The following DACH2 variants were observed in gnomAD, a reference collection of about 807,000 sequenced individuals.
DACH2 encodes dachshund homolog 2.
Under a neutral mutation model 35.8 loss-of-function variants are expected in DACH2, and 17 were observed. That is an observed-to-expected ratio of 0.48 (90% CI 0.33 to 0.71). The LOEUF is 0.71. DACH2 is among the 30% of genes least tolerant of loss of function. DACH2 has a pLI of 0.02. For synonymous variants in DACH2, 195 were observed against 177.3 expected, an observed-to-expected ratio of 1.10 and a Z score of -0.79; for missense variants, 469 against 472.7, an observed-to-expected ratio of 0.99 and a Z score of 0.07.
chrX:86,359,769 A>T (rs1443357678), intron 1 of DACH2, among the ~76,000 whole-genome samples: 1 of 111,412 alleles, frequency 9.0e-6, no homozygotes. Context: ...CAAAAACAAA[A>T]AAAGAAAACT....
Position 86,391,977 on chromosome X carries a change from A to AT in DACH2, c.527+15124dup, listed in dbSNP as rs200256603. ...TTTTTCATTTTTTAAATAGTTTGCA[A>AT]TTTTTTTTTATTATACATTAAGTTC... is the stretch of plus-strand genomic sequence containing the variant. On this transcript the variant is annotated intron_variant, in intron 2 of 11. Transcript: ENST00000373125. 3.1e-3 allele frequency among the ~76,000 whole-genome samples: 344 copies of AT among 110,222 alleles called. 2 individuals are homozygous for AT. The highest frequency in any genetic ancestry group is 0.018 in the East Asian group (62 of 3,522).
intron 1 of DACH2, among the ~76,000 whole-genome samples, chrX:86,298,017 T>C (rs1159247270): frequency 8.9e-6 from 1 of 112,149 alleles, no homozygotes; most frequent in Non-Finnish European, 1.9e-5. Context: ...CCTCCTTGCC[T>C]TCTGCCTTCT....
chrX:86,697,216 G>A (rs2041077452), intron 5 of DACH2, among the ~76,000 whole-genome samples: 1 of 111,635 alleles, frequency 9.0e-6, no homozygotes, highest in South Asian at 3.7e-4. Context: ...TATCGCCACA[G>A]TAGTGCTCCT....
intron 6 of DACH2, among the ~76,000 whole-genome samples, chrX:86,735,723 A>G (rs1159287798): frequency 9.0e-6 from 1 of 111,676 alleles, no homozygotes; most frequent in Non-Finnish European, 1.9e-5. Context: ...GGTGTTTCAT[A>G]GGAGCTGCAG....
chrX:86,181,474 C>T (rs962134437), intron 1 of DACH2, among the ~76,000 whole-genome samples: 4 of 110,852 alleles, frequency 3.6e-5, no homozygotes, highest in South Asian at 3.8e-4. Context: ...CTGAGAATGA[C>T]GGTTTCCTTC....
rs751867157 is a variant in DACH2, at chrX:86,463,110, C to T, written c.528-51169C>T. Among the ~76,000 whole-genome samples, 118 of 110,956 alleles carry T rather than the reference C, an allele frequency of 1.1e-3. 1 individual carries two copies. The highest frequency in any genetic ancestry group is 1.8e-3 in the Non-Finnish European group (96 of 52,839). ...TACGATAGAAACTAACCATAATATT[C>T]AATTCCATGAACATTCCTGTTAATT... is the stretch of plus-strand genomic sequence containing the variant. On this transcript the variant is annotated intron_variant, in intron 2 of 11. Coordinates refer to ENST00000373125, the MANE Select transcript of DACH2 (RefSeq NM_053281.3).
chrX:86,505,932 C>G (rs2148262126), intron 2 of DACH2, among the ~76,000 whole-genome samples: 1 of 111,897 alleles, frequency 8.9e-6, no homozygotes, highest in Admixed American at 9.5e-5. Context: ...CATCTCTAAT[C>G]CTAATGTGGT....
At chrX:86,530,980 T>C (rs1461319409) in intron 3 of DACH2, among the ~76,000 whole-genome samples, 1 of 111,990 alleles carries the variant, frequency 8.9e-6, no homozygotes, top group African/African-American at 3.2e-5. Context: ...ACTGAAAGCA[T>C]TGTGCCCCTG....
At chrX:86,340,334 A>G (rs1238028772) in intron 1 of DACH2, among the ~76,000 whole-genome samples, 2 of 111,522 alleles carry the variant, frequency 1.8e-5, no homozygotes, top group Non-Finnish European at 3.8e-5. Flanking sequence ...CATTATTATT[A>G]TATCTGTTAT....
intron 3 of DACH2, among the ~76,000 whole-genome samples, chrX:86,582,325 A>G (rs2039511915): frequency 9.0e-6 from 1 of 111,274 alleles, no homozygotes; most frequent in African/African-American, 3.3e-5. Context: ...AACCAGCAAT[A>G]TAGGTAGCAG....
At chrX:86,417,401 A>G (rs775552776) in intron 2 of DACH2, among the ~76,000 whole-genome samples, 34 of 112,258 alleles carry the variant, frequency 3.0e-4, no homozygotes, top group African/African-American at 1.1e-3. Context: ...TACAAAAGAA[A>G]GAGATTTATT....
intron 1 of DACH2, among the ~76,000 whole-genome samples, chrX:86,299,072 A>T (rs1223864809): frequency 5.4e-5 from 6 of 111,985 alleles, no homozygotes; most frequent in Non-Finnish European, 3.8e-5. Context: ...GGATATATTG[A>T]GTTTAGAAAG....
intron 3 of DACH2, among the ~76,000 whole-genome samples, chrX:86,592,614 G>A (rs891657867): frequency 3.6e-5 from 4 of 112,017 alleles, no homozygotes; most frequent in Admixed American, 9.5e-5. Flanking sequence ...AAGTTATGTA[G>A]AACTGATATC....
chrX:86,280,174 A>C (rs1201297413), intron 1 of DACH2, among the ~76,000 whole-genome samples: 7 of 111,447 alleles, frequency 6.3e-5, no homozygotes, highest in Non-Finnish European at 1.3e-4. Flanking sequence ...GGTTGAAGTG[A>C]AGGAAGAAAT....
At chrX:86,589,838 C>A (rs772890900) in intron 3 of DACH2, among the ~76,000 whole-genome samples, 2 of 111,665 alleles carry the variant, frequency 1.8e-5, no homozygotes, top group Non-Finnish European at 3.8e-5. Flanking sequence ...CACTTAAGGT[C>A]TCTCCATGTC....
At chrX:86,603,300 G>A (rs1048250769) in intron 3 of DACH2, among the ~76,000 whole-genome samples, 8 of 111,022 alleles carry the variant, frequency 7.2e-5, no homozygotes, top group Admixed American at 3.9e-4. Flanking sequence ...CTCTAAACAA[G>A]GTCATATTTT....
chrX:86,562,261 A>G (rs2039233271), intron 3 of DACH2, among the ~76,000 whole-genome samples: 3 of 110,951 alleles, frequency 2.7e-5, no homozygotes, highest in East Asian at 2.9e-4. Flanking sequence ...GTTTTTTGCC[A>G]GTAAAATTTG....
At chrX:86,395,473 G>T (rs1320172750) in intron 2 of DACH2, among the ~76,000 whole-genome samples, 1 of 110,569 alleles carries the variant, frequency 9.0e-6, no homozygotes, top group Non-Finnish European at 1.9e-5. Flanking sequence ...TGCGATGTTG[G>T]TGTGCTGCAC....
At chrX:86,674,698 G>C (rs1046172384) in intron 4 of DACH2, among the ~76,000 whole-genome samples, 3 of 111,618 alleles carry the variant, frequency 2.7e-5, no homozygotes, top group African/African-American at 9.8e-5. Flanking sequence ...TTACCCTTCT[G>C]CATTTTTTCT....
Sources: gnomAD v4.1 joint callset for allele counts (sites outside exome capture counted in the v4.1 genomes callset) on GRCh38, gnomAD v4.1.1 for gene constraint, MANE v1.5 for transcripts, NCBI Gene and HGNC (gene_info 2026-07-23, HGNC 2026-07-21) for gene names.